Variants in CEP85L observed in about 807,000 individuals in gnomAD.
CEP85L encodes centrosomal protein 85L, also known as centrosomal protein of 85 kDa-like.
In CEP85L, 60 loss-of-function variants were observed where a neutral mutation model predicts 100.3. The observed-to-expected ratio is 0.60, with a 90% CI of 0.49 to 0.74. CEP85L has a LOEUF of 0.74. Among genes scored for constraint, CEP85L ranks in the 30% least tolerant of loss-of-function variants. The probability of loss-of-function intolerance (pLI) is 0.00; values close to 1 mark genes in which losing one functional copy is unlikely to be tolerated. For missense variants in CEP85L, 973 were observed against 936.2 expected, an observed-to-expected ratio of 1.04 and a Z score of -0.51; for synonymous variants, 319 against 322.7, an observed-to-expected ratio of 0.99 and a Z score of 0.12.
Position 118,463,585 on chromosome 6 carries a change from T to C in CEP85L, c.*1820A>G, listed in dbSNP as rs1247570188. 1 of 152,000 alleles carries C rather than the reference T, an allele frequency of 6.6e-6. No individual in the cohort carries two copies. Among genetic ancestry groups the C allele is most frequent in the South Asian group, 2.1e-4 (1 of 4,830 alleles). 9.4% of individuals were successfully genotyped at this position (152,000 alleles called of 1,614,324 possible). Reference sequence around the variant, plus strand: ...CAAGCTACTAATGTTAAAAACCAAGTGAATATAATTAGAAAGCCAAGTTCT... The same window carrying C: ...CAAGCTACTAATGTTAAAAACCAAGCGAATATAATTAGAAAGCCAAGTTCT... On this transcript the variant is annotated 3_prime_UTR_variant, in exon 13 of 13. Transcript: ENST00000368491.
intron 3 of CEP85L, among the ~76,000 whole-genome samples, chr6:118,532,043 T>G (rs1436716998): frequency 6.6e-6 from 1 of 152,130 alleles, no homozygotes; most frequent in Non-Finnish European, 1.5e-5. Context: ...CGGAGACACA[T>G]GCACAACATG....
chr6:118,563,816 A>C (rs1170766233), intron 3 of CEP85L, among the ~76,000 whole-genome samples: 9 of 152,182 alleles, frequency 5.9e-5, no homozygotes, highest in African/African-American at 1.7e-4. Flanking sequence ...AATAAAGATA[A>C]TACTACTTGG....
At chr6:118,581,339 C>T (rs573965555) in intron 2 of CEP85L, among the ~76,000 whole-genome samples, 18 of 152,144 alleles carry the variant, frequency 1.2e-4, no homozygotes, top group African/African-American at 4.1e-4. Context: ...TTAGCATGGG[C>T]CATAATAGCA....
At chr6:118,588,756 G>A (rs537939118) in intron 2 of CEP85L, among the ~76,000 whole-genome samples, 9 of 152,044 alleles carry the variant, frequency 5.9e-5, no homozygotes, top group East Asian at 1.9e-4. Context: ...GTTTCCTATC[G>A]CCTAGAAGCA....
intron 2 of CEP85L, among the ~76,000 whole-genome samples, chr6:118,601,357 A>G (rs1250557039): frequency 6.6e-6 from 1 of 152,190 alleles, no homozygotes; most frequent in African/African-American, 2.4e-5. Context: ...TTTGAGAAGG[A>G]AGGGCAATTT....
At chr6:118,694,039 G>GA (rs869206059) in intron 1 of CEP85L, among the ~76,000 whole-genome samples, 10 of 151,968 alleles carry the variant, frequency 6.6e-5, no homozygotes, top group Admixed American at 1.3e-4. Flanking sequence ...AGAAGGAGGG[G>GA]AAAAAAACCC....
chr6:118,566,195 C>G lies in CEP85L; in HGVS notation c.354G>C (p.Leu118Phe), dbSNP rs369202269. The G allele has an allele frequency of 1.2e-6, 2 of 1,614,080 alleles. No individual in the cohort carries two copies. Among genetic ancestry groups the G allele is most frequent in the South Asian group, 2.2e-5 (2 of 91,062 alleles). The change falls in exon 3 of 13, where the codon TTG becomes TTC. Residue 118 changes from leucine (L) to phenylalanine (F), a missense_variant. Leu to Phe is a conservative substitution (Grantham distance 22). Coordinates refer to ENST00000368491, the MANE Select transcript of CEP85L (RefSeq NM_001042475.3). ...SASISKLRES[L>F]TPDGSKWSTS... ...TACTCCATTTTGAGCCATCTGGTGT[C>G]AATGATTCCCTAAGTTTGGAAATTG...
chr6:118,625,067 G>A (rs1402937228), intron 2 of CEP85L, among the ~76,000 whole-genome samples: 2 of 152,158 alleles, frequency 1.3e-5, no homozygotes, highest in Admixed American at 6.5e-5. Context: ...ATCCACCTCA[G>A]TCCTAAACAC....
At chr6:118,524,301 A>G (rs181118386) in intron 3 of CEP85L, among the ~76,000 whole-genome samples, 2 of 152,234 alleles carry the variant, frequency 1.3e-5, no homozygotes, top group Admixed American at 6.5e-5. Flanking sequence ...AAAATTAGCC[A>G]GGCGTGGTGG....
In CEP85L at chr6:118,523,807, G is replaced by C; in HGVS notation, c.1134C>G (p.Ile378Met). 4 of 1,455,010 alleles carry C rather than the reference G, an allele frequency of 2.7e-6. No homozygotes were observed. The highest frequency in any genetic ancestry group is 2.9e-6 in the Non-Finnish European group (3 of 1,039,866). The allele number at this position is 1,455,010 out of a possible 1,614,324, so 90.1% of individuals were successfully genotyped here. ...ATAATTTAAAATAGACTCACCGATC[G>C]ATTACAATTTCTTTCTGCCTTAGAA... ...EGLLRQKEIV[I>M]DRQKQQITHL... The change falls in exon 4 of 13, where the codon ATC becomes ATG. Residue 378 changes from isoleucine (I) to methionine (M), a missense_variant. Transcript: ENST00000368491.
intron 2 of CEP85L, among the ~76,000 whole-genome samples, chr6:118,614,915 T>TA (rs1236756270): frequency 1.3e-5 from 2 of 149,280 alleles, no homozygotes; most frequent in Non-Finnish European, 3.0e-5. Flanking sequence ...TAGATTTTTT[T>TA]AAAAGCAAAT....
chr6:118,589,675 A>G (rs531961120), intron 2 of CEP85L: 11 of 284,126 alleles, frequency 3.9e-5, no homozygotes, highest in Non-Finnish European at 7.0e-5. Flanking sequence ...CATGATGAGA[A>G]GCAGAAACTG....
At chr6:118,668,155 A>G (rs1562349808) in intron 1 of CEP85L, among the ~76,000 whole-genome samples, 1 of 152,214 alleles carries the variant, frequency 6.6e-6, no homozygotes, top group African/African-American at 2.4e-5. Context: ...ATTATATTAT[A>G]TACTGTTCAA....
chr6:118,638,109 T>TAGC lies in CEP85L; in HGVS notation c.74-5501_74-5499dup, dbSNP rs146768563. 3.7e-3 allele frequency among the ~76,000 whole-genome samples: 565 copies of TAGC among 151,902 alleles called. 3 individuals carry two copies. Among genetic ancestry groups the TAGC allele is most frequent in the African/African-American group, 0.013 (539 of 41,392 alleles). On this transcript the variant is annotated intron_variant, in intron 1 of 12. Transcript: ENST00000368491. The stretch of plus-strand genomic sequence containing the variant: ...GCTATTAGGCAATATACATCATGTG[T>TAGC]AGCACATGCCTGTAATACCAGCTAC...
intron 2 of CEP85L, among the ~76,000 whole-genome samples, chr6:118,570,880 A>T (rs969801210): frequency 5.3e-5 from 8 of 152,140 alleles, no homozygotes; most frequent in African/African-American, 1.7e-4. Context: ...GTCAAAACTA[A>T]GGATCAAAGC....
intron 2 of CEP85L, among the ~76,000 whole-genome samples, chr6:118,572,923 G>A (rs766154122): frequency 1.5e-4 from 23 of 152,004 alleles, no homozygotes; most frequent in African/African-American, 2.4e-4. Context: ...TTAGCCGGGC[G>A]CAGTGGTGCA....
chr6:118,676,857 TTG>T (rs1776500447), intron 1 of CEP85L, among the ~76,000 whole-genome samples: 1 of 152,228 alleles, frequency 6.6e-6, no homozygotes, highest in Non-Finnish European at 1.5e-5. Context: ...TTGTTATCTT[TTG>T]TCTTTTTTTA....
chr6:118,575,090 C>T (rs1466926074), intron 2 of CEP85L, among the ~76,000 whole-genome samples: 1 of 151,996 alleles, frequency 6.6e-6, no homozygotes, highest in Non-Finnish European at 1.5e-5. Context: ...AGAAAGGGTG[C>T]AAGAAATTTC....
chr6:118,694,143 C>T (rs794861), intron 1 of CEP85L, among the ~76,000 whole-genome samples: 107,460 of 152,092 alleles, frequency 0.71, 38,719 homozygotes, highest in Non-Finnish European at 0.76. Context: ...CTACCTAATA[C>T]GATGCAGATA....
Sources: gnomAD v4.1 joint callset for allele counts (sites outside exome capture counted in the v4.1 genomes callset) on GRCh38, gnomAD v4.1.1 for gene constraint, MANE v1.5 for transcripts, NCBI Gene and HGNC (gene_info 2026-07-23, HGNC 2026-07-21) for gene names.